Variants in TET2 observed in about 807,000 individuals in gnomAD.
TET2 encodes the protein tet methylcytosine dioxygenase 2.
TET2 carries 299 observed loss-of-function variants against 142.9 expected under a neutral mutation model. That is an observed-to-expected ratio of 2.09 (90% CI 1.90 to 2.30). The LOEUF is 2.30. TET2 is among the 30% of genes most tolerant of loss of function. The probability of loss-of-function intolerance (pLI) is 0.00; values close to 1 mark genes in which losing one functional copy is unlikely to be tolerated. For missense variants in TET2, 2,418 were observed against 2,378.0 expected, an observed-to-expected ratio of 1.02 and a Z score of -0.35; for synonymous variants, 819 against 849.0, an observed-to-expected ratio of 0.96 and a Z score of 0.61.
chr4:105,157,309 C>T (rs1295887735), intron 1 of TET2, among the ~76,000 whole-genome samples: 2 of 151,942 alleles, frequency 1.3e-5, no homozygotes, highest in Non-Finnish European at 2.9e-5. Context: ...AGATTCTTAC[C>T]ATATAAATTA....
At chr4:105,203,524 C>T (rs928431195) in intron 2 of TET2, among the ~76,000 whole-genome samples, 3 of 148,312 alleles carry the variant, frequency 2.0e-5, no homozygotes, top group Non-Finnish European at 4.4e-5. Flanking sequence ...GAAGGGAGTG[C>T]CTGGCTTTGT....
intron 1 of TET2, among the ~76,000 whole-genome samples, chr4:105,188,382 T>C (rs777185877): frequency 1.6e-4 from 25 of 152,144 alleles, no homozygotes; most frequent in Admixed American, 1.3e-4. Context: ...AAATGGGAAG[T>C]TATTGTTTAA....
chr4:105,160,393 G>C (rs1723789303), intron 1 of TET2, among the ~76,000 whole-genome samples: 1 of 152,250 alleles, frequency 6.6e-6, no homozygotes, highest in East Asian at 1.9e-4. Flanking sequence ...TATGTATACT[G>C]GTGCTATGTA....
chr4:105,269,845 T>A, intron 9 of TET2, 98 bp downstream of exon 9: 1 of 1,381,698 alleles, frequency 7.2e-7, no homozygotes, highest in East Asian at 2.5e-5. Flanking sequence ...AGGAAAGAGA[T>A]TTAATTGACT....
intron 6 of TET2, among the ~76,000 whole-genome samples, chr4:105,244,776 G>A (rs557395287): frequency 6.5e-4 from 99 of 151,982 alleles, no homozygotes; most frequent in African/African-American, 2.2e-3. Flanking sequence ...TGTATTTTTA[G>A]TAGAGACAGG....
At chr4:105,245,021 A>G (rs951165288) in intron 6 of TET2, among the ~76,000 whole-genome samples, 18 of 152,246 alleles carry the variant, frequency 1.2e-4, no homozygotes, top group African/African-American at 4.3e-4. Context: ...AGAAATGCTC[A>G]TACTGCTCAT....
intron 8 of TET2, among the ~76,000 whole-genome samples, chr4:105,269,331 G>A (rs1730836395): frequency 1.3e-5 from 2 of 152,064 alleles, no homozygotes; most frequent in South Asian, 4.1e-4. Flanking sequence ...AGGGGCATGA[G>A]GAAATTTTTA....
chr4:105,165,336 A>G (rs1392197519), intron 1 of TET2, among the ~76,000 whole-genome samples: 1 of 152,160 alleles, frequency 6.6e-6, no homozygotes, highest in Non-Finnish European at 1.5e-5. Flanking sequence ...AGATCGTGCC[A>G]TTGCACTCCA....
chr4:105,237,006 A>AAG lies in TET2; in HGVS notation c.3067_3068dup (p.Ser1023ArgfsTer11). 6.2e-7 allele frequency: 1 copy of AAG among 1,614,170 alleles called. No individual in the cohort carries two copies. The highest frequency in any genetic ancestry group is 8.5e-7 in the Non-Finnish European group (1 of 1,180,018). ...TGCAAGCTGTGATAATGTGCAGCAAAAGAGCATCATTGAGACCATGGAGCA... is the reference window on the plus strand; with the variant it reads ...TGCAAGCTGTGATAATGTGCAGCAAAAGAGAGCATCATTGAGACCATGGAGCA... On this transcript the variant is annotated frameshift_variant, in exon 3 of 11. Transcript: ENST00000380013. LOFTEE classifies it high-confidence loss of function.
chr4:105,165,723 A>C (rs1724117677), intron 1 of TET2, among the ~76,000 whole-genome samples: 4 of 152,206 alleles, frequency 2.6e-5, no homozygotes, highest in Admixed American at 2.6e-4. Context: ...CTAAGTCTGC[A>C]TTTAGGGAAA....
At chr4:105,265,460 T>C (rs928575278) in intron 8 of TET2, among the ~76,000 whole-genome samples, 2 of 152,216 alleles carry the variant, frequency 1.3e-5, no homozygotes, top group Non-Finnish European at 2.9e-5. Flanking sequence ...ATGGCATAAG[T>C]GTAATTTCTA....
chr4:105,244,388 G>T (rs1729470735), intron 6 of TET2, among the ~76,000 whole-genome samples: 1 of 152,044 alleles, frequency 6.6e-6, no homozygotes, highest in Admixed American at 6.5e-5. Context: ...TAAGAATTTA[G>T]AATAGAACTG....
chr4:105,197,596 C>G (rs561761662), intron 2 of TET2, among the ~76,000 whole-genome samples: 2 of 152,248 alleles, frequency 1.3e-5, no homozygotes, highest in South Asian at 4.1e-4. Context: ...TACTGTAGAT[C>G]TCTAGAGAGC....
chr4:105,192,993 T>TAG (rs1725872984), intron 2 of TET2, among the ~76,000 whole-genome samples: 1 of 152,064 alleles, frequency 6.6e-6, no homozygotes, highest in Non-Finnish European at 1.5e-5. Flanking sequence ...TAGTAAAAGG[T>TAG]TTTATGCAGA....
intron 2 of TET2, among the ~76,000 whole-genome samples, chr4:105,218,064 C>A (rs748441854): frequency 2.6e-5 from 4 of 152,062 alleles, no homozygotes; most frequent in Non-Finnish European, 5.9e-5. Context: ...GTAAGTTTAT[C>A]AATTAATAAT....
At chr4:105,189,010 T>G (rs779077658) in intron 1 of TET2, among the ~76,000 whole-genome samples, 2 of 152,112 alleles carry the variant, frequency 1.3e-5, no homozygotes, top group Non-Finnish European at 2.9e-5. Context: ...TTTACAAGGA[T>G]GTATTTTATG....
chr4:105,275,565 T>C lies in TET2; in HGVS notation c.5055T>C (p.Asn1685=). 6.4e-7 allele frequency: 1 copy of C among 1,551,704 alleles called. No individual in the cohort carries two copies. The highest frequency in any genetic ancestry group is 8.7e-7 in the Non-Finnish European group (1 of 1,146,984). The change falls in exon 11 of 11, where the codon AAT becomes AAC. Residue 1685 remains asparagine (N), a synonymous_variant. Coordinates refer to ENST00000380013, the MANE Select transcript of TET2 (RefSeq NM_001127208.3). ...CACTTTACCAGCCAAGGTTTGGAAATAGCCAGAGTTTTACATCTAAATACT... is the reference window on the plus strand; with the variant it reads ...CACTTTACCAGCCAAGGTTTGGAAACAGCCAGAGTTTTACATCTAAATACT... ...IHTLYQPRFG[N]SQSFTSKYLG...
At chr4:105,241,259 G>A (rs1729282556) in intron 3 of TET2, 80 bp from the exon 4 acceptor site, 1 of 1,435,116 alleles carries the variant, frequency 7.0e-7, no homozygotes, top group Non-Finnish European at 9.2e-7. Context: ...ATGTGTAGTT[G>A]GGGGTTAAGC....
chr4:105,224,909 A>T (rs745916023), intron 2 of TET2, among the ~76,000 whole-genome samples: 1 of 152,166 alleles, frequency 6.6e-6, no homozygotes, highest in Non-Finnish European at 1.5e-5. Flanking sequence ...TTGGAAGCCC[A>T]TGCATTACAA....
Sources: allele counts gnomAD v4.1 joint callset (sites outside exome capture counted in the v4.1 genomes callset), GRCh38; gene constraint gnomAD v4.1.1; transcripts MANE v1.5; gene names NCBI Gene and HGNC (gene_info 2026-07-23, HGNC 2026-07-21).